PIEZO2: variants seen among roughly 807,000 people sequenced by gnomAD.
The protein encoded by PIEZO2 is piezo type mechanosensitive ion channel component 2.
Under a neutral mutation model 337.3 loss-of-function variants are expected in PIEZO2, and 172 were observed. The observed-to-expected ratio is 0.51, with a 90% CI of 0.45 to 0.58. The LOEUF (loss-of-function observed/expected upper bound fraction) is 0.58, where lower values mean the gene tolerates loss of function less well. PIEZO2 is among the 20% of genes least tolerant of loss of function. The pLI is 0.00. For missense variants in PIEZO2, 3,028 were observed against 3,391.3 expected, an observed-to-expected ratio of 0.89 and a Z score of 2.66; for synonymous variants, 1,251 against 1,228.5, an observed-to-expected ratio of 1.02 and a Z score of -0.38.
rs1314510611 is a variant in PIEZO2, at chr18:10,837,184, G to A, written c.917+18169C>T. On this transcript the variant is annotated intron_variant, in intron 7 of 55. Coordinates refer to ENST00000674853, the MANE Select transcript of PIEZO2 (RefSeq NM_001378183.1). The surrounding 1 kb of genome is among the most constrained non-coding windows in gnomAD (Gnocchi z 4.4). ...ATGGTGTGCACTCCTGTTGTGGACG[G>A]TAACAGAACCTGGAAATCAATGCTT... Among the ~76,000 whole-genome samples the A allele has an allele frequency of 6.6e-6, 1 of 152,198 alleles. No individual in the cohort carries two copies. Among genetic ancestry groups the A allele is most frequent in the African/African-American group, 2.4e-5 (1 of 41,458 alleles).
chr18:11,019,753 A>G (rs1247147892), intron 2 of PIEZO2, among the ~76,000 whole-genome samples: 1 of 152,208 alleles, frequency 6.6e-6, no homozygotes, highest in Admixed American at 6.5e-5. Context: ...CCACTGAGAT[A>G]CTGTGATTGA....
Position 10,752,873 on chromosome 18 carries a change from G to A in PIEZO2, c.3930C>T (p.Tyr1310=), listed in dbSNP as rs146505222. The A allele has an allele frequency of 2.5e-4, 381 of 1,529,306 alleles. 3 individuals carry two copies. The African/African-American group carries it at 4.7e-3, about 19-fold the overall frequency. 94.7% of individuals were successfully genotyped at this position (1,529,306 alleles called of 1,614,324 possible). ...PVPDFIHCRS[Y]LDMSKVIIFS... ...AGATGATCACTTTGGACATGTCTAA[G>A]TAAGATCTGGAAAACAAAGCCAGTG... Residue 1310 remains tyrosine, a synonymous_variant, in exon 28 of 56, where the codon TAC becomes TAT. Coordinates refer to ENST00000674853, the MANE Select transcript of PIEZO2 (RefSeq NM_001378183.1).
chr18:11,124,511 C>T (rs1221154333), intron 1 of PIEZO2, among the ~76,000 whole-genome samples: 5 of 152,246 alleles, frequency 3.3e-5, no homozygotes, highest in East Asian at 1.9e-4. Flanking sequence ...AGATACGTGC[C>T]GAATGGTCAG....
chr18:10,791,479 G>A (rs1291065931), intron 13 of PIEZO2, 155 bp from the exon 14 acceptor site: 1 of 756,776 alleles, frequency 1.3e-6, no homozygotes, highest in Non-Finnish European at 1.9e-6. Flanking sequence ...GACTTCAGCT[G>A]AGATTCACTG....
rs2036448470 is a variant in PIEZO2, at chr18:10,724,543, T to A, written c.5030-6284A>T. The A allele has an allele frequency of 1.9e-6, 1 of 537,972 alleles. No homozygotes were observed. The highest frequency in any genetic ancestry group is 3.0e-5 in the East Asian group (1 of 33,560). 33.3% of individuals were successfully genotyped at this position (537,972 alleles called of 1,614,324 possible). A position where few individuals can be genotyped will look rare whatever the true frequency, so the allele number is the denominator to read the frequency against. ...ACACCCACTCATGCTGGTCTCCACA[T>A]ACCCTTCTGTGTCCCCAGAAGTCGA... is the stretch of plus-strand genomic sequence containing the variant. On this transcript the variant is annotated intron_variant, in intron 36 of 55. Transcript: ENST00000674853. This position sits in a 1 kb window ranked among gnomAD's most constrained non-coding sequence, Gnocchi z 5.8.
chr18:10,806,281 C>T (rs1012829176), intron 8 of PIEZO2, among the ~76,000 whole-genome samples: 5 of 150,530 alleles, frequency 3.3e-5, no homozygotes, highest in African/African-American at 9.8e-5. Flanking sequence ...TGAAAAGGTG[C>T]GGCCACCCTG....
rs925670703 is a variant in PIEZO2 at position 11,092,644 on chromosome 18, G to A, written c.65-26422C>T. On this transcript the variant is annotated intron_variant, in intron 1 of 55. Coordinates refer to ENST00000674853, the MANE Select transcript of PIEZO2 (RefSeq NM_001378183.1). This position sits in a 1 kb window ranked among gnomAD's most constrained non-coding sequence, Gnocchi z 4.5. Reference sequence around the variant, plus strand: ...ACACAACCAAGAATAAATGTAATTGGACAAGGCAACCTGATCCAAACCTTG... The same window carrying A: ...ACACAACCAAGAATAAATGTAATTGAACAAGGCAACCTGATCCAAACCTTG... Among the ~76,000 whole-genome samples, 5 of 152,104 alleles carry A rather than the reference G, an allele frequency of 3.3e-5. No homozygotes were observed. The highest frequency in any genetic ancestry group is 4.8e-5 in the African/African-American group (2 of 41,424).
intron 47 of PIEZO2, among the ~76,000 whole-genome samples, chr18:10,694,099 GA>G (rs1465601195): frequency 1.3e-5 from 2 of 151,938 alleles, no homozygotes; most frequent in East Asian, 3.9e-4. Context: ...GTAGACTCAG[GA>G]AAAAGTATCC....
chr18:11,020,140 C>T lies in PIEZO2; in HGVS notation c.161-40480G>A, dbSNP rs913117529. Among the ~76,000 whole-genome samples the T allele has an allele frequency of 5.9e-5, 9 of 152,270 alleles. No homozygotes were observed. In the South Asian group the frequency reaches 1.9e-3, roughly 32 times the overall value. ...GGAGCGATTTTTAAAAAAATAGTCA[C>T]ACAATTCTTTCCTCAGCAAGAAAAG... On this transcript the variant is annotated intron_variant, in intron 2 of 55. Coordinates refer to ENST00000674853, the MANE Select transcript of PIEZO2 (RefSeq NM_001378183.1).
chr18:10,842,822 A>G (rs756725620), intron 7 of PIEZO2, among the ~76,000 whole-genome samples: 1 of 152,274 alleles, frequency 6.6e-6, no homozygotes, highest in Non-Finnish European at 1.5e-5. Context: ...TTTATACCTC[A>G]ATAAAGCTGT....
intron 13 of PIEZO2, among the ~76,000 whole-genome samples, chr18:10,793,928 T>C (rs2144199731): frequency 1.3e-5 from 2 of 152,286 alleles, no homozygotes; most frequent in Middle Eastern, 3.4e-3. Flanking sequence ...CCTAGTCTAC[T>C]CTACCCCATT....
chr18:10,720,908 G>A (rs751059560), intron 36 of PIEZO2, among the ~76,000 whole-genome samples: 2 of 152,086 alleles, frequency 1.3e-5, no homozygotes, highest in Non-Finnish European at 2.9e-5. Context: ...GCATGGGCTT[G>A]CTTTCTTCTG....
Position 10,699,164 on chromosome 18 carries a change from C to A in PIEZO2, c.6455G>T (p.Trp2152Leu). The A allele has an allele frequency of 6.5e-7, 1 of 1,537,224 alleles. No individual in the cohort carries two copies. Among genetic ancestry groups the A allele is most frequent in the Non-Finnish European group, 8.7e-7 (1 of 1,146,912 alleles). The change falls in exon 44 of 56, where the codon TGG (tryptophan) becomes TTG (leucine). Residue 2152 changes from tryptophan (W) to leucine (L), a missense_variant. By Grantham distance (61) the Trp-to-Leu change is moderately conservative. Around this residue, in one of 5 missense-constraint regions of PIEZO2, gnomAD observed 1,925 missense variants for 2,051.9 expected, o/e 0.94. Coordinates refer to ENST00000674853, the MANE Select transcript of PIEZO2 (RefSeq NM_001378183.1). The stretch of plus-strand genomic sequence containing the variant: ...ACTTTCAGTCATGTCATCTTCATCC[C>A]ATAAGCCATGGCACTGAGAAAGCAG... ...HRSILKCHGL[W>L]DEDDMTESGM...
At chr18:10,806,635 T>G (rs2040011924) in intron 8 of PIEZO2, among the ~76,000 whole-genome samples, 2 of 152,052 alleles carry the variant, frequency 1.3e-5, no homozygotes, top group African/African-American at 2.4e-5. Context: ...GTCCTCTTGA[T>G]AACAGGGGTG....
intron 33 of PIEZO2, among the ~76,000 whole-genome samples, chr18:10,736,921 C>G (rs2144118243): frequency 6.6e-6 from 1 of 151,800 alleles, no homozygotes; most frequent in South Asian, 2.1e-4. Flanking sequence ...GAGTATGAGG[C>G]CTTGTCTTTG....
chr18:10,999,623 G>C (rs141840368), intron 2 of PIEZO2, among the ~76,000 whole-genome samples: 1 of 151,996 alleles, frequency 6.6e-6, no homozygotes, highest in Non-Finnish European at 1.5e-5. Context: ...TAAGACACTT[G>C]AGCACCCAAG....
At chr18:10,896,811 G>A (rs2042913947) in intron 4 of PIEZO2, among the ~76,000 whole-genome samples, 1 of 152,182 alleles carries the variant, frequency 6.6e-6, no homozygotes, top group Non-Finnish European at 1.5e-5. Context: ...TCCACCTCAT[G>A]TCTGAGAAGA....
In PIEZO2 at chr18:10,800,336, C is replaced by A; in HGVS notation, c.1378+1G>T. On this transcript the variant is annotated splice_donor_variant, in intron 11 of 55. Coordinates refer to ENST00000674853, the MANE Select transcript of PIEZO2 (RefSeq NM_001378183.1). LOFTEE classifies it high-confidence loss of function. The stretch of plus-strand genomic sequence containing the variant: ...ACCCTGAGTGCAGGGCTGGCTCCTA[C>A]CTGAGGATTCATCAGAGGGCTCCCA... 6.5e-7 allele frequency: 1 copy of A among 1,534,170 alleles called. No homozygotes were observed. Among genetic ancestry groups the A allele is most frequent in the Non-Finnish European group, 8.7e-7 (1 of 1,145,514 alleles).
chr18:10,754,538 A>G (rs1312435709), intron 27 of PIEZO2, among the ~76,000 whole-genome samples: 2 of 152,272 alleles, frequency 1.3e-5, no homozygotes, highest in African/African-American at 2.4e-5. Flanking sequence ...TCAATGGCAC[A>G]CAAAAGCTTT....
Sources: allele counts gnomAD v4.1 joint callset (sites outside exome capture counted in the v4.1 genomes callset), GRCh38; gene constraint gnomAD v4.1.1; regional missense constraint gnomAD v4.1.1; non-coding constraint Gnocchi (gnomAD v3.1); transcripts MANE v1.5; gene names NCBI Gene and HGNC (gene_info 2026-07-23, HGNC 2026-07-21).